The following DISC1 variants were observed in gnomAD, a reference collection of about 807,000 sequenced individuals.
DISC1 encodes DISC1 scaffold protein, also known as disrupted in schizophrenia 1 protein.
In DISC1, 57 loss-of-function variants were observed where a neutral mutation model predicts 84.5. That is an observed-to-expected ratio of 0.67 (90% CI 0.55 to 0.84). The LOEUF is 0.84. Among genes scored for constraint, DISC1 ranks in the 40% least tolerant of loss-of-function variants. The pLI is 0.00. For missense variants in DISC1, 1,000 were observed against 1,057.8 expected (o/e 0.95, Z 0.76); for synonymous variants, 411 against 415.2 (o/e 0.99, Z 0.12).
chr1:231,755,235 C>A (rs1403767205), intron 4 of DISC1, among the ~76,000 whole-genome samples: 1 of 151,288 alleles, frequency 6.6e-6, no homozygotes, highest in Admixed American at 6.6e-5. Flanking sequence ...GAGACAGAGT[C>A]TCACTCTATT....
intron 9 of DISC1, among the ~76,000 whole-genome samples, chr1:231,846,782 C>T (rs1471803158): frequency 6.6e-6 from 1 of 152,116 alleles, no homozygotes; most frequent in African/African-American, 2.4e-5. Context: ...GAAACTCAGG[C>T]AGGATAACGT....
chr1:231,895,864 C>T (rs1033775446), intron 9 of DISC1, among the ~76,000 whole-genome samples: 2 of 152,256 alleles, frequency 1.3e-5, no homozygotes, highest in Non-Finnish European at 1.5e-5. Flanking sequence ...TTACAGTACA[C>T]CTTTGCCCCA....
intron 9 of DISC1, among the ~76,000 whole-genome samples, chr1:231,846,109 G>A (rs530977858): frequency 2.1e-4 from 32 of 152,206 alleles, no homozygotes; most frequent in Non-Finnish European, 5.9e-5. Context: ...CGTTAGGGAC[G>A]TGGGAGGACA....
At chr1:231,864,514 T>C (rs2084914615) in intron 9 of DISC1, among the ~76,000 whole-genome samples, 1 of 152,006 alleles carries the variant, frequency 6.6e-6, no homozygotes, top group African/African-American at 2.4e-5. Flanking sequence ...ATACAAAAAA[T>C]TAGCTGGGTG....
chr1:231,668,679 A>G (rs1004325997), intron 1 of DISC1, among the ~76,000 whole-genome samples: 1 of 152,198 alleles, frequency 6.6e-6, no homozygotes, highest in Non-Finnish European at 1.5e-5. Context: ...AGCAAACCAT[A>G]TTTGTATGGT....
intron 1 of DISC1, among the ~76,000 whole-genome samples, chr1:231,692,061 GC>G (rs1412635012): frequency 6.6e-6 from 1 of 152,214 alleles, no homozygotes; most frequent in Non-Finnish European, 1.5e-5. Context: ...GAAAGGGCAT[GC>G]ACTTTGGAAC....
At position 231,770,827 on chromosome 1, in the gene DISC1, C is replaced by G; in HGVS notation, c.1399-8C>G. On this transcript the variant is annotated splice_region_variant and splice_polypyrimidine_tract_variant and intron_variant, in intron 5 of 12. Coordinates refer to ENST00000439617, the MANE Select transcript of DISC1 (RefSeq NM_018662.3). The stretch of plus-strand genomic sequence containing the variant: ...ATTTATAAAATCTTGTCTCCTCATT[C>G]TCTACAGAAAGAAATCGAAGCTCTC... The G allele has an allele frequency of 1.2e-6, 2 of 1,613,576 alleles. No homozygotes were observed. The highest frequency in any genetic ancestry group is 1.7e-6 in the Non-Finnish European group (2 of 1,179,752).
chr1:232,035,550 T>G (rs1299865775), intron 12 of DISC1, among the ~76,000 whole-genome samples: 1 of 152,228 alleles, frequency 6.6e-6, no homozygotes, highest in Non-Finnish European at 1.5e-5. Context: ...CACATTGTAG[T>G]GTAGGTGGTC....
intron 9 of DISC1, among the ~76,000 whole-genome samples, chr1:231,949,909 A>T (rs1658011038): frequency 6.6e-6 from 1 of 152,120 alleles, no homozygotes. Flanking sequence ...TTGGCATAAA[A>T]CCCAAGTGGG....
At chr1:231,754,846 C>T (rs147351438) in intron 4 of DISC1, among the ~76,000 whole-genome samples, 314 of 152,226 alleles carry the variant, frequency 2.1e-3, no homozygotes, top group African/African-American at 6.9e-3. Context: ...TTTATCAAGC[C>T]AATATTAACT....
At chr1:231,787,593 C>T (rs1292778239) in intron 6 of DISC1, among the ~76,000 whole-genome samples, 1 of 152,190 alleles carries the variant, frequency 6.6e-6, no homozygotes, top group African/African-American at 2.4e-5. Flanking sequence ...TCCCGCCTCT[C>T]GACACGGTTG....
chr1:231,833,433 G>T (rs1212743930), intron 9 of DISC1, among the ~76,000 whole-genome samples: 1 of 151,662 alleles, frequency 6.6e-6, no homozygotes, highest in East Asian at 1.9e-4. Flanking sequence ...ATCCATGATG[G>T]TCTAGGGGGC....
chr1:231,635,033 C>T (rs1398525036), intron 1 of DISC1, among the ~76,000 whole-genome samples: 1 of 152,162 alleles, frequency 6.6e-6, no homozygotes, highest in Non-Finnish European at 1.5e-5. Flanking sequence ...TAGAGCTTAA[C>T]AGCCACACCT....
At chr1:231,718,197 C>G (rs1286956233) in intron 3 of DISC1, among the ~76,000 whole-genome samples, 1 of 152,218 alleles carries the variant, frequency 6.6e-6, no homozygotes, top group East Asian at 1.9e-4. Flanking sequence ...CATCCCCCTC[C>G]AAAGCATCCT....
chr1:231,928,658 A>C (rs1298330396), intron 9 of DISC1, among the ~76,000 whole-genome samples: 3 of 152,002 alleles, frequency 2.0e-5, no homozygotes. Context: ...TAGGGTGTCG[A>C]TTTGAGATCT....
At chr1:231,636,414 G>A (rs1175016363) in intron 1 of DISC1, among the ~76,000 whole-genome samples, 2 of 152,100 alleles carry the variant, frequency 1.3e-5, no homozygotes, top group Non-Finnish European at 2.9e-5. Flanking sequence ...ATCGGCCTTG[G>A]GGACAGGAGG....
chr1:231,684,484 C>A (rs1185566219), intron 1 of DISC1, among the ~76,000 whole-genome samples: 1 of 151,982 alleles, frequency 6.6e-6, no homozygotes, highest in African/African-American at 2.4e-5. Flanking sequence ...TAATTGCATG[C>A]ATTTTTTCCT....
chr1:231,723,665 T>C, intron 3 of DISC1: 1 of 985,496 alleles, frequency 1.0e-6, no homozygotes, highest in Non-Finnish European at 1.2e-6. Flanking sequence ...ATTATGACAC[T>C]GTCAGCCACT....
At chr1:231,824,274 A>C (rs1220344605) in intron 9 of DISC1, among the ~76,000 whole-genome samples, 1 of 152,190 alleles carries the variant, frequency 6.6e-6, no homozygotes, top group African/African-American at 2.4e-5. Context: ...TTATATGGGA[A>C]ATAGATATGT....
Sources: gnomAD v4.1 joint callset for allele counts (sites outside exome capture counted in the v4.1 genomes callset) on GRCh38, gnomAD v4.1.1 for gene constraint, MANE v1.5 for transcripts, NCBI Gene and HGNC (gene_info 2026-07-23, HGNC 2026-07-21) for gene names.